C12orf56: variants seen among roughly 807,000 people sequenced by gnomAD.
The protein encoded by C12orf56 is uncharacterized protein C12orf56.
C12orf56 carries 71 observed loss-of-function variants against 69.9 expected under a neutral mutation model. The observed-to-expected ratio is 1.02, with a 90% confidence interval of 0.84 to 1.24. The LOEUF (loss-of-function observed/expected upper bound fraction) is 1.24, where lower values mean the gene tolerates loss of function less well. Ranked by LOEUF, C12orf56 falls within the 50% of genes most tolerant of loss-of-function variation. The pLI is 0.00. For synonymous variants in C12orf56, 276 were observed against 274.1 expected (o/e 1.01, Z -0.07); for missense variants, 732 against 738.5 (o/e 0.99, Z 0.10).
intron 1 of C12orf56, among the ~76,000 whole-genome samples, chr12:64,369,430 A>G (rs2039540438): frequency 6.6e-6 from 1 of 151,938 alleles, no homozygotes; most frequent in African/African-American, 2.4e-5. Flanking sequence ...ACTCCTGACT[A>G]CAAGCGATCT....
intron 4 of C12orf56, among the ~76,000 whole-genome samples, chr12:64,317,749 A>T (rs2038708117): frequency 6.6e-6 from 1 of 152,086 alleles, no homozygotes; most frequent in South Asian, 2.1e-4. Flanking sequence ...GACAAGAGCG[A>T]AACTCCATCT....
intron 1 of C12orf56, among the ~76,000 whole-genome samples, chr12:64,365,602 G>A (rs1173947972): frequency 1.3e-5 from 2 of 150,274 alleles, no homozygotes; most frequent in Non-Finnish European, 3.0e-5. Flanking sequence ...ACAAACTGAC[G>A]CACAAAATAC....
chr12:64,375,056 T>C (rs2039622950), intron 1 of C12orf56, among the ~76,000 whole-genome samples: 1 of 151,890 alleles, frequency 6.6e-6, no homozygotes, highest in South Asian at 2.1e-4. Context: ...GTTTATTTTA[T>C]ATTTATTTTA....
chr12:64,323,565 C>CTTTTTT (rs375927934), intron 3 of C12orf56, among the ~76,000 whole-genome samples: 3 of 130,848 alleles, frequency 2.3e-5, no homozygotes, highest in Non-Finnish European at 3.2e-5. Context: ...CAAACATTTC[C>CTTTTTT]TTTTTTTTTT....
intron 2 of C12orf56, among the ~76,000 whole-genome samples, chr12:64,342,305 G>A (rs752770132): frequency 4.6e-5 from 7 of 152,344 alleles, no homozygotes; most frequent in Middle Eastern, 3.4e-3. Context: ...TGCACTGCTC[G>A]AAGTTCTGCC....
At chr12:64,371,856 GA>G (rs1348331776) in intron 1 of C12orf56, among the ~76,000 whole-genome samples, 9 of 148,148 alleles carry the variant, frequency 6.1e-5, no homozygotes, top group South Asian at 2.2e-4. Flanking sequence ...ATAATAAAAA[GA>G]AAATACAGGG....
intron 11 of C12orf56, 124 bp from the exon 12 acceptor site, chr12:64,270,838 G>A: frequency 2.7e-6 from 2 of 747,446 alleles, no homozygotes. Flanking sequence ...CTGTTGCAAT[G>A]TTCCTTATTG....
chr12:64,354,068 A>G (rs2039271972), intron 1 of C12orf56, among the ~76,000 whole-genome samples: 1 of 152,196 alleles, frequency 6.6e-6, no homozygotes, highest in Non-Finnish European at 1.5e-5. Context: ...TATGCAGGAG[A>G]CAATGTCCAT....
At chr12:64,308,434 G>A (rs570681485) in intron 5 of C12orf56, among the ~76,000 whole-genome samples, 7 of 152,068 alleles carry the variant, frequency 4.6e-5, no homozygotes, top group Non-Finnish European at 8.8e-5. Flanking sequence ...ATATTTGCTT[G>A]TTATGTTTCT....
At chr12:64,354,544 G>A (rs956425783) in intron 1 of C12orf56, among the ~76,000 whole-genome samples, 9 of 151,702 alleles carry the variant, frequency 5.9e-5, no homozygotes, top group Admixed American at 1.3e-4. Context: ...TGCAACCTTC[G>A]CCTCCCAGGT....
At chr12:64,341,605 A>G (rs996152727) in intron 2 of C12orf56, among the ~76,000 whole-genome samples, 2 of 152,168 alleles carry the variant, frequency 1.3e-5, no homozygotes, top group Non-Finnish European at 2.9e-5. Flanking sequence ...GTGGAATACC[A>G]TGAAGGTGGG....
intron 6 of C12orf56, among the ~76,000 whole-genome samples, chr12:64,298,259 C>A (rs961024464): frequency 2.6e-5 from 4 of 152,086 alleles, no homozygotes; most frequent in African/African-American, 7.2e-5. Context: ...TGTTTACGTC[C>A]TTTGTAGATT....
intron 2 of C12orf56, among the ~76,000 whole-genome samples, chr12:64,334,228 T>C (rs1321439427): frequency 1.3e-5 from 2 of 152,234 alleles, no homozygotes; most frequent in Non-Finnish European, 2.9e-5. Flanking sequence ...ATGGTCAGGC[T>C]TCCATATGTA....
intron 6 of C12orf56, among the ~76,000 whole-genome samples, chr12:64,296,679 C>A (rs2038369552): frequency 6.6e-6 from 1 of 152,124 alleles, no homozygotes; most frequent in South Asian, 2.1e-4. Context: ...GGGCCAAGAG[C>A]AGAATGCTGT....
At chr12:64,338,677 G>T in intron 2 of C12orf56, 1 of 1,570,898 alleles carries the variant, frequency 6.4e-7, no homozygotes. Context: ...CTTTCTCTAT[G>T]TTGAACTCTT....
At chr12:64,358,686 C>A (rs891397756) in intron 1 of C12orf56, among the ~76,000 whole-genome samples, 1 of 151,256 alleles carries the variant, frequency 6.6e-6, no homozygotes, top group Non-Finnish European at 1.5e-5. Context: ...CCCAGCTACT[C>A]GGGAGGCTGA....
At chr12:64,338,562 G>T in intron 2 of C12orf56, 1 of 1,504,610 alleles carries the variant, frequency 6.6e-7, no homozygotes, top group South Asian at 1.1e-5. Context: ...AGTCTTGCTT[G>T]ATTCATCAAA....
intron 1 of C12orf56, among the ~76,000 whole-genome samples, chr12:64,366,331 T>C (rs62652091): frequency 4.8e-5 from 5 of 104,904 alleles, no homozygotes; most frequent in African/African-American, 1.6e-4. Flanking sequence ...TTATATATTA[T>C]ATACAGTTTA....
At chr12:64,381,425 T>C (rs2039718472) in intron 1 of C12orf56, among the ~76,000 whole-genome samples, 1 of 152,232 alleles carries the variant, frequency 6.6e-6, no homozygotes, top group Admixed American at 6.5e-5. Flanking sequence ...TTTCTAATCT[T>C]GTGGCTAATT....
Sources: gnomAD v4.1 joint callset for allele counts (sites outside exome capture counted in the v4.1 genomes callset) on GRCh38, gnomAD v4.1.1 for gene constraint, MANE v1.5 for transcripts, NCBI Gene and HGNC (gene_info 2026-07-23, HGNC 2026-07-21) for gene names.